Variants in LPP observed in about 807,000 individuals in gnomAD.
The protein encoded by LPP is LIM domain containing preferred translocation partner in lipoma, also known as lipoma-preferred partner.
Under a neutral mutation model 60.4 loss-of-function variants are expected in LPP, and 38 were observed. That is an observed-to-expected ratio of 0.63 (90% confidence interval 0.49 to 0.83). The LOEUF (loss-of-function observed/expected upper bound fraction) is 0.83, where lower values mean the gene tolerates loss of function less well. Ranked by LOEUF, LPP falls within the 40% of genes least tolerant of loss-of-function variation. LPP has a pLI of 0.00. For synonymous variants in LPP, 328 were observed against 290.8 expected (o/e 1.13, Z -1.30); for missense variants, 902 against 783.6 (o/e 1.15, Z -1.80).
At chr3:188,542,450 G>C (rs988167884) in intron 6 of LPP, among the ~76,000 whole-genome samples, 1 of 152,152 alleles carries the variant, frequency 6.6e-6, no homozygotes, top group Non-Finnish European at 1.5e-5. Flanking sequence ...AGTGCACTGT[G>C]AACTACTTGC....
At chr3:188,714,715 T>C (rs755418340) in intron 8 of LPP, among the ~76,000 whole-genome samples, 15 of 152,176 alleles carry the variant, frequency 9.9e-5, no homozygotes, top group Non-Finnish European at 1.6e-4. Context: ...TGTTGAACCA[T>C]GATAAAGCAG....
At chr3:188,320,703 G>A (rs2150375728) in intron 2 of LPP, among the ~76,000 whole-genome samples, 1 of 152,286 alleles carries the variant, frequency 6.6e-6, no homozygotes, top group East Asian at 1.9e-4. Flanking sequence ...AGACTAGAAG[G>A]TATGGAGAGG....
chr3:188,381,634 T>C (rs559240202), intron 3 of LPP, among the ~76,000 whole-genome samples: 38 of 152,208 alleles, frequency 2.5e-4, no homozygotes, highest in Non-Finnish European at 5.1e-4. Context: ...CATTGAAATA[T>C]GAAATAGTGA....
At chr3:188,710,213 G>T (rs1345885112) in intron 8 of LPP, 1 of 152,208 alleles carries the variant, frequency 6.6e-6, no homozygotes, top group Non-Finnish European at 1.5e-5. Flanking sequence ...AGTAGATGAA[G>T]TAGGAGGTAT....
At chr3:188,316,581 C>T (rs1384716917) in intron 2 of LPP, among the ~76,000 whole-genome samples, 1 of 152,134 alleles carries the variant, frequency 6.6e-6, no homozygotes, top group South Asian at 2.1e-4. Flanking sequence ...TGCACAGAAG[C>T]CCAAGTCCAG....
intron 7 of LPP, among the ~76,000 whole-genome samples, chr3:188,699,820 A>G (rs1219099876): frequency 1.3e-5 from 2 of 152,180 alleles, no homozygotes; most frequent in Non-Finnish European, 2.9e-5. Context: ...CCCTGGCCAG[A>G]AGGGGTTCTC....
At chr3:188,170,422 C>T (rs1377282744) in intron 1 of LPP, among the ~76,000 whole-genome samples, 3 of 151,610 alleles carry the variant, frequency 2.0e-5, no homozygotes, top group South Asian at 2.1e-4. Flanking sequence ...CCTCCGCCTC[C>T]CAGGCTCAAG....
At chr3:188,832,305 T>C (rs940263266) in intron 9 of LPP, among the ~76,000 whole-genome samples, 1 of 152,150 alleles carries the variant, frequency 6.6e-6, no homozygotes, top group African/African-American at 2.4e-5. Flanking sequence ...GAGCAACCTT[T>C]AGGAGCTAAG....
chr3:188,494,526 A>G (rs1167686902), intron 5 of LPP, among the ~76,000 whole-genome samples: 4 of 152,210 alleles, frequency 2.6e-5, no homozygotes, highest in African/African-American at 9.6e-5. Context: ...CCTAACGTCC[A>G]TTCTAAAGAG....
intron 8 of LPP, chr3:188,710,989 A>G (rs1319433175): frequency 1.3e-5 from 2 of 152,228 alleles, no homozygotes; most frequent in Admixed American, 1.3e-4. Context: ...TAAGAAATGG[A>G]TGAAATATTT....
At chr3:188,163,361 C>T (rs142300599) in intron 1 of LPP, among the ~76,000 whole-genome samples, 1 of 152,234 alleles carries the variant, frequency 6.6e-6, no homozygotes, top group African/African-American at 2.4e-5. Context: ...TTTGACCTGC[C>T]TCCAGCATGC....
intron 2 of LPP, among the ~76,000 whole-genome samples, chr3:188,293,858 A>G (rs1269084273): frequency 2.0e-5 from 3 of 152,028 alleles, no homozygotes; most frequent in Non-Finnish European, 2.9e-5. Flanking sequence ...TGAGGTCAGG[A>G]GTTCGAGACC....
In LPP at chr3:188,862,712, C is replaced by CAAAAAAAAAAAAAAAAAAAAAAAAAA. The variant is rs140751676; in HGVS notation, c.1411-3481_1411-3480insAAAAAAAAAAAAAAAAAAAAAAAAAA. Among the ~76,000 whole-genome samples the CAAAAAAAAAAAAAAAAAAAAAAAAAA allele has an allele frequency of 2.7e-4, 15 of 55,690 alleles. 1 individual carries two copies. Among genetic ancestry groups the CAAAAAAAAAAAAAAAAAAAAAAAAAA allele is most frequent in the East Asian group, 1.4e-3 (1 of 696 alleles). 36.5% of individuals were successfully genotyped at this position (55,690 alleles called of 152,430 possible). ...TATCAATGCTGGCAACCCTACTAGA[C>CAAAAAAAAAAAAAAAAAAAAAAAAAA]AAAAAAATAAATAAATAAATAAATA... On this transcript the variant is annotated intron_variant, in intron 9 of 11. Coordinates refer to ENST00000617246, the MANE Select transcript of LPP (RefSeq NM_001375462.1).
chr3:188,710,531 C>T (rs1033949377), intron 8 of LPP: 1 of 152,108 alleles, frequency 6.6e-6, no homozygotes, highest in African/African-American at 2.4e-5. Flanking sequence ...GCATGGAGAA[C>T]AGTAAAACAA....
intron 3 of LPP, among the ~76,000 whole-genome samples, chr3:188,390,733 G>A (rs1409121298): frequency 1.3e-5 from 2 of 151,990 alleles, no homozygotes; most frequent in Non-Finnish European, 2.9e-5. Context: ...AAGCATTACT[G>A]CATTTGCCTA....
intron 3 of LPP, among the ~76,000 whole-genome samples, chr3:188,356,554 A>C (rs1264620605): frequency 6.6e-6 from 1 of 152,184 alleles, no homozygotes; most frequent in African/African-American, 2.4e-5. Context: ...ACTTAAAGAA[A>C]GGTTCTACTG....
chr3:188,575,862 T>A (rs537221291), intron 6 of LPP, among the ~76,000 whole-genome samples: 1 of 152,226 alleles, frequency 6.6e-6, no homozygotes, highest in Non-Finnish European at 1.5e-5. Context: ...ATCTATTCTA[T>A]CAAGCCAAAC....
intron 9 of LPP, among the ~76,000 whole-genome samples, chr3:188,863,346 A>G (rs1765735831): frequency 6.6e-6 from 1 of 152,262 alleles, no homozygotes; most frequent in African/African-American, 2.4e-5. Flanking sequence ...TTCCTTTTTC[A>G]TGGCCACATA....
At chr3:188,359,453 C>T (rs1172885063) in intron 3 of LPP, among the ~76,000 whole-genome samples, 3 of 152,164 alleles carry the variant, frequency 2.0e-5, no homozygotes, top group South Asian at 2.1e-4. Context: ...TGGTTAAAGT[C>T]GGCACCTGAC....
Sources: allele counts gnomAD v4.1 joint callset (sites outside exome capture counted in the v4.1 genomes callset), GRCh38; gene constraint gnomAD v4.1.1; transcripts MANE v1.5; gene names NCBI Gene and HGNC (gene_info 2026-07-23, HGNC 2026-07-21).